The following PRKN variants were observed in gnomAD, a reference collection of about 807,000 sequenced individuals.
PRKN encodes E3 ubiquitin-protein ligase parkin.
Under a neutral mutation model 59.5 loss-of-function variants are expected in PRKN, and 56 were observed. That is an observed-to-expected ratio of 0.94 (90% CI 0.76 to 1.18). PRKN has a LOEUF of 1.18. Ranked by LOEUF, PRKN falls within the 50% of genes most tolerant of loss-of-function variation. The pLI is 0.00. For missense variants in PRKN, 657 were observed against 596.4 expected, an observed-to-expected ratio of 1.10 and a Z score of -1.06; for synonymous variants, 250 against 222.1, an observed-to-expected ratio of 1.13 and a Z score of -1.12.
chr6:162,042,140 A>T (rs181143793), intron 5 of PRKN, among the ~76,000 whole-genome samples: 74 of 152,180 alleles, frequency 4.9e-4, no homozygotes, highest in Admixed American at 3.9e-3. Context: ...TGAATGAAAT[A>T]AATTCATTCA....
chr6:161,612,243 A>C (rs1782514280), intron 7 of PRKN, among the ~76,000 whole-genome samples: 2 of 152,216 alleles, frequency 1.3e-5, no homozygotes, highest in African/African-American at 2.4e-5. Flanking sequence ...GGCTACACTA[A>C]ACCACAGGTT....
intron 1 of PRKN, among the ~76,000 whole-genome samples, chr6:162,517,253 T>C (rs997278718): frequency 2.0e-5 from 3 of 151,094 alleles, no homozygotes; most frequent in African/African-American, 7.3e-5. Flanking sequence ...CCAGGCATTT[T>C]TTTTTTTTTT....
chr6:162,319,513 CACA>C (rs1782897103), intron 2 of PRKN, among the ~76,000 whole-genome samples: 1 of 151,994 alleles, frequency 6.6e-6, no homozygotes, highest in African/African-American at 2.4e-5. Context: ...TGGTTACTTA[CACA>C]ACAACAAATT....
intron 4 of PRKN, among the ~76,000 whole-genome samples, chr6:162,199,202 T>C (rs1262603823): frequency 6.8e-6 from 1 of 146,548 alleles, no homozygotes; most frequent in Non-Finnish European, 1.5e-5. Flanking sequence ...TCTATCGTAA[T>C]TATATCTGTG....
intron 6 of PRKN, among the ~76,000 whole-genome samples, chr6:161,803,252 C>A (rs2128211212): frequency 6.6e-6 from 1 of 152,332 alleles, no homozygotes; most frequent in Middle Eastern, 3.4e-3. Context: ...CTAATGAGGG[C>A]TCCTGTGTCA....
At chr6:161,854,226 G>A (rs1277748447) in intron 6 of PRKN, among the ~76,000 whole-genome samples, 1 of 151,880 alleles carries the variant, frequency 6.6e-6, no homozygotes, top group African/African-American at 2.4e-5. Context: ...TTGCATTCTA[G>A]CCTGGGTGAC....
At chr6:161,771,952 TG>T (rs1789709800) in intron 7 of PRKN, among the ~76,000 whole-genome samples, 1 of 152,204 alleles carries the variant, frequency 6.6e-6, no homozygotes, top group Non-Finnish European at 1.5e-5. Flanking sequence ...TTTCTATGCA[TG>T]AAGTCTCAGT....
chr6:162,694,071 C>T (rs975711613), intron 1 of PRKN, among the ~76,000 whole-genome samples: 1 of 151,750 alleles, frequency 6.6e-6, no homozygotes, highest in Non-Finnish European at 1.5e-5. Flanking sequence ...CACGGTGAAA[C>T]CCCGTATCTA....
At chr6:161,795,606 T>C (rs976523889) in intron 6 of PRKN, among the ~76,000 whole-genome samples, 1 of 152,066 alleles carries the variant, frequency 6.6e-6, no homozygotes, top group Non-Finnish European at 1.5e-5. Flanking sequence ...ATATACTAAT[T>C]GGAAGGCTAC....
At chr6:161,925,526 G>A (rs541015458) in intron 6 of PRKN, among the ~76,000 whole-genome samples, 76 of 152,206 alleles carry the variant, frequency 5.0e-4, no homozygotes, top group Admixed American at 7.8e-4. Context: ...AGCTGAGATC[G>A]TGCCACTGCA....
chr6:161,452,258 A>G (rs1003809467), intron 9 of PRKN, among the ~76,000 whole-genome samples: 1 of 151,872 alleles, frequency 6.6e-6, no homozygotes, highest in Non-Finnish European at 1.5e-5. Context: ...GCCTTAACAC[A>G]CTCTTAAGTA....
At chr6:162,228,723 C>G in intron 3 of PRKN, among the ~76,000 whole-genome samples, 1 of 152,142 alleles carries the variant, frequency 6.6e-6, no homozygotes, top group Non-Finnish European at 1.5e-5. Flanking sequence ...AAAATTGACT[C>G]TACCTAATGC....
chr6:161,979,466 G>C (rs1381019022), intron 5 of PRKN, among the ~76,000 whole-genome samples: 3 of 152,008 alleles, frequency 2.0e-5, no homozygotes, highest in Non-Finnish European at 2.9e-5. Context: ...TAGAGATGAA[G>C]TTTTACCATG....
chr6:162,385,150 C>T (rs1197978024), intron 2 of PRKN, among the ~76,000 whole-genome samples: 1 of 152,118 alleles, frequency 6.6e-6, no homozygotes, highest in Admixed American at 6.5e-5. Context: ...TTATGGAACT[C>T]ACATGAAAGT....
At chr6:161,995,095 T>A (rs1030764206) in intron 5 of PRKN, among the ~76,000 whole-genome samples, 1 of 152,056 alleles carries the variant, frequency 6.6e-6, no homozygotes, top group Admixed American at 6.6e-5. Flanking sequence ...AACATACACA[T>A]AGAGCAATGG....
At chr6:161,412,554 C>T (rs1464372233) in intron 9 of PRKN, among the ~76,000 whole-genome samples, 1 of 148,206 alleles carries the variant, frequency 6.7e-6, no homozygotes, top group Non-Finnish European at 1.5e-5. Context: ...TCATTCCTTC[C>T]TCACTCATTC....
chr6:162,406,520 T>C (rs1024369102), intron 2 of PRKN, among the ~76,000 whole-genome samples: 3 of 152,348 alleles, frequency 2.0e-5, no homozygotes, highest in South Asian at 2.1e-4. Context: ...TCAATGTATC[T>C]GTGTAGCAAA....
rs1216090907 is a variant in PRKN, at chr6:161,480,948, G to T, written c.1083+67906C>A. Among the ~76,000 whole-genome samples, 3 of 152,214 alleles carry T rather than the reference G, an allele frequency of 2.0e-5. No individual in the cohort carries two copies. The East Asian group carries it at 5.8e-4, about 29-fold the overall frequency. On this transcript the variant is annotated intron_variant, in intron 9 of 11. Coordinates refer to ENST00000366898, the MANE Select transcript of PRKN (RefSeq NM_004562.3). The surrounding 1 kb of genome is among the most constrained non-coding windows in gnomAD (Gnocchi z 4.1). ...GTGCAGCTTTCTCCATGGTAACCGG[G>T]CAAGGAGAAAAGCGCTTCACAGCCA... is the stretch of plus-strand genomic sequence containing the variant.
At chr6:161,365,883 G>A (rs1785175530) in intron 10 of PRKN, among the ~76,000 whole-genome samples, 1 of 152,216 alleles carries the variant, frequency 6.6e-6, no homozygotes, top group African/African-American at 2.4e-5. Context: ...AGTTCACTCA[G>A]GGGAGAGGGA....
Sources: gnomAD v4.1 joint callset for allele counts (sites outside exome capture counted in the v4.1 genomes callset) on GRCh38, gnomAD v4.1.1 for gene constraint, Gnocchi (gnomAD v3.1) non-coding constraint, MANE v1.5 for transcripts, NCBI Gene and HGNC (gene_info 2026-07-23, HGNC 2026-07-21) for gene names.